Variants in FRMPD2 observed in about 807,000 individuals in gnomAD.
FRMPD2 encodes FERM and PDZ domain containing 2, also known as FERM and PDZ domain-containing protein 2.
In FRMPD2, 96 loss-of-function variants were observed where a neutral mutation model predicts 140.1. The observed-to-expected ratio is 0.69, with a 90% CI of 0.58 to 0.81. The LOEUF (loss-of-function observed/expected upper bound fraction) is 0.81, where lower values mean the gene tolerates loss of function less well. FRMPD2 is among the 40% of genes least tolerant of loss of function. The probability of loss-of-function intolerance (pLI) is 0.00; values close to 1 mark genes in which losing one functional copy is unlikely to be tolerated. For synonymous variants in FRMPD2, 449 were observed against 547.6 expected, an observed-to-expected ratio of 0.82 and a Z score of 2.52; for missense variants, 1,240 against 1,447.4, an observed-to-expected ratio of 0.86 and a Z score of 2.32.
In FRMPD2 at chr10:48,157,927, A is replaced by T. The variant is rs1228710331; in HGVS notation, c.3882-557T>A. ...GCTCACCACTGTCCCCACCACCTCAAGCAGCACCCCCTTCCCTCCGTTCTG... is the reference window on the plus strand; with the variant it reads ...GCTCACCACTGTCCCCACCACCTCATGCAGCACCCCCTTCCCTCCGTTCTG... On this transcript the variant is annotated intron_variant, in intron 28 of 28. Coordinates refer to ENST00000374201, the MANE Select transcript of FRMPD2 (RefSeq NM_001018071.4). Among the ~76,000 whole-genome samples, 16 of 145,532 alleles carry T rather than the reference A, an allele frequency of 1.1e-4. 1 individual carries two copies. Among genetic ancestry groups the T allele is most frequent in the Non-Finnish European group, 2.0e-4 (13 of 66,322 alleles).
intron 16 of FRMPD2, among the ~76,000 whole-genome samples, chr10:48,191,389 T>A (rs1838827378): frequency 6.6e-6 from 1 of 152,170 alleles, no homozygotes; most frequent in South Asian, 2.1e-4. Context: ...CTAACCCAGT[T>A]CACTGTGAAA....
intron 28 of FRMPD2, chr10:48,159,273 C>A: frequency 2.2e-6 from 1 of 454,906 alleles, no homozygotes; most frequent in South Asian, 1.6e-5. Context: ...CAACGGACTG[C>A]CAGATTTGAA....
At chr10:48,200,202 C>T (rs375449682) in intron 15 of FRMPD2, among the ~76,000 whole-genome samples, 1 of 124,740 alleles carries the variant, frequency 8.0e-6, no homozygotes, top group Admixed American at 7.5e-5. Context: ...ATAAATAAAA[C>T]AGAGCCAAGC....
chr10:48,256,737 C>A (rs1288798738), intron 1 of FRMPD2, among the ~76,000 whole-genome samples: 1 of 152,200 alleles, frequency 6.6e-6, no homozygotes, highest in African/African-American at 2.4e-5. Flanking sequence ...AGTCACACAA[C>A]TCCTGGCCTC....
chr10:48,217,940 T>G (rs924419955), intron 12 of FRMPD2, among the ~76,000 whole-genome samples: 1 of 152,218 alleles, frequency 6.6e-6, no homozygotes, highest in Admixed American at 6.5e-5. Context: ...CTACTAGGGT[T>G]GCCATAACAA....
At chr10:48,237,867 T>C (rs1206575603) in intron 8 of FRMPD2, 124 bp downstream of exon 8, 3 of 1,194,696 alleles carry the variant, frequency 2.5e-6, no homozygotes, top group Non-Finnish European at 3.7e-6. Context: ...TCCAATCCTA[T>C]AAACCTCAGC....
At position 48,174,340 on chromosome 10, in the gene FRMPD2, G is replaced by T. The variant is rs1190557155; in HGVS notation, c.3075+530C>A. Reference sequence around the variant, plus strand: ...GGGCAGGGAATAAAGGGGACATAAAGGATGAATGGCTCTGCTCTTGGCACC... The same window carrying T: ...GGGCAGGGAATAAAGGGGACATAAATGATGAATGGCTCTGCTCTTGGCACC... On this transcript the variant is annotated intron_variant, in intron 24 of 28. Transcript: ENST00000374201. 8.5e-5 allele frequency among the ~76,000 whole-genome samples: 13 copies of T among 152,344 alleles called. No homozygotes were observed. The South Asian group carries it at 2.3e-3, about 27-fold the overall frequency.
intron 12 of FRMPD2, among the ~76,000 whole-genome samples, chr10:48,222,057 G>C (rs375892140): frequency 6.6e-6 from 1 of 151,510 alleles, no homozygotes; most frequent in Non-Finnish European, 1.5e-5. Context: ...TAGGTGGGTG[G>C]ATGGATGGAT....
At chr10:48,227,506 C>T (rs750067538) in intron 10 of FRMPD2, among the ~76,000 whole-genome samples, 2 of 152,192 alleles carry the variant, frequency 1.3e-5, no homozygotes, top group Non-Finnish European at 2.9e-5. Context: ...ACCTTGTTAA[C>T]AAGTAAGGTC....
rs559391469 is a variant in FRMPD2 at position 48,236,576 on chromosome 10, G to C, written c.922-23C>G. 4 of 1,610,182 alleles carry C rather than the reference G, an allele frequency of 2.5e-6. No individual in the cohort carries two copies. The African/African-American group carries it at 5.3e-5, about 21-fold the overall frequency. ...AAACTGGAGGAAAACAGTCACATAT[G>C]GTAGAGAAGACAACAGATTCCAGGC... is the stretch of plus-strand genomic sequence containing the variant. On this transcript the variant is annotated intron_variant, in intron 8 of 28. Transcript: ENST00000374201.
At chr10:48,274,219 G>A (rs115752146) in intron 1 of FRMPD2, among the ~76,000 whole-genome samples, 92 of 152,266 alleles carry the variant, frequency 6.0e-4, no homozygotes, top group African/African-American at 2.2e-3. Context: ...TAAGAAAAAC[G>A]AGTCTTAGGA....
intron 3 of FRMPD2, among the ~76,000 whole-genome samples, chr10:48,246,687 C>A (rs1588852802): frequency 6.6e-6 from 1 of 152,300 alleles, no homozygotes; most frequent in South Asian, 2.1e-4. Flanking sequence ...CTGGGTACAC[C>A]CTCCCAGCAC....
intron 1 of FRMPD2, among the ~76,000 whole-genome samples, chr10:48,272,531 T>C (rs1362258191): frequency 6.6e-6 from 1 of 152,264 alleles, no homozygotes; most frequent in East Asian, 1.9e-4. Context: ...TACTGTGTAA[T>C]GGTGTGCTGG....
intron 3 of FRMPD2, among the ~76,000 whole-genome samples, chr10:48,245,897 T>C (rs527603237): frequency 5.5e-4 from 83 of 152,252 alleles, no homozygotes; most frequent in Non-Finnish European, 8.8e-4. Flanking sequence ...CACACAGTTA[T>C]TTGAGCCCCC....
intron 17 of FRMPD2, among the ~76,000 whole-genome samples, chr10:48,186,707 T>A (rs1838697438): frequency 6.6e-6 from 1 of 152,234 alleles, no homozygotes; most frequent in Non-Finnish European, 1.5e-5. Flanking sequence ...AACGCACTAA[T>A]ACACTGATCC....
At chr10:48,203,272 G>T (rs1474971783) in intron 14 of FRMPD2, among the ~76,000 whole-genome samples, 2 of 152,090 alleles carry the variant, frequency 1.3e-5, no homozygotes, top group Non-Finnish European at 2.9e-5. Flanking sequence ...ACACCAGAGT[G>T]GAATGCTGAT....
intron 1 of FRMPD2, among the ~76,000 whole-genome samples, chr10:48,257,202 G>A (rs1332975526): frequency 6.7e-6 from 1 of 148,940 alleles, no homozygotes; most frequent in Non-Finnish European, 1.5e-5. Context: ...TTTTCTGCCT[G>A]TAACATTCAC....
At chr10:48,248,176 G>C (rs1265456740) in intron 3 of FRMPD2, among the ~76,000 whole-genome samples, 1 of 152,196 alleles carries the variant, frequency 6.6e-6, no homozygotes, top group Non-Finnish European at 1.5e-5. Flanking sequence ...AGAAGAAACA[G>C]AACTCTCTGC....
chr10:48,253,658 G>A (rs1840434075), intron 1 of FRMPD2, among the ~76,000 whole-genome samples: 1 of 152,032 alleles, frequency 6.6e-6, no homozygotes. Context: ...AACAAAAATT[G>A]TGCAAATTTG....
Sources: allele counts gnomAD v4.1 joint callset (sites outside exome capture counted in the v4.1 genomes callset), GRCh38; gene constraint gnomAD v4.1.1; transcripts MANE v1.5; gene names NCBI Gene and HGNC (gene_info 2026-07-23, HGNC 2026-07-21).